The following PDE1C variants were observed in gnomAD, a reference collection of about 807,000 sequenced individuals.
The protein encoded by PDE1C is phosphodiesterase 1C.
PDE1C carries 62 observed loss-of-function variants against 93.1 expected under a neutral mutation model. The ratio of observed to expected loss-of-function variants is 0.67; its 90% confidence interval spans 0.54 to 0.82. The LOEUF is 0.82. Ranked by LOEUF, PDE1C falls within the 40% of genes least tolerant of loss-of-function variation. PDE1C has a pLI of 0.00. For missense variants in PDE1C, 742 were observed against 884.6 expected (o/e 0.84, Z 2.04); for synonymous variants, 325 against 310.1 (o/e 1.05, Z -0.50).
chr7:32,055,282 G>A (rs1793917196), intron 1 of PDE1C, among the ~76,000 whole-genome samples: 1 of 152,174 alleles, frequency 6.6e-6, no homozygotes, highest in African/African-American at 2.4e-5. Flanking sequence ...CAGAGGGAAA[G>A]CAATGAGAAG....
intron 1 of PDE1C, among the ~76,000 whole-genome samples, chr7:32,405,493 T>C (rs1785035890): frequency 6.6e-6 from 1 of 152,182 alleles, no homozygotes; most frequent in African/African-American, 2.4e-5. Flanking sequence ...TCAGGTGATC[T>C]GCCCACCTCG....
At chr7:31,643,807 C>T in the PDE1C span, 1 of 1,613,976 alleles carries the variant, frequency 6.2e-7, no homozygotes, top group Non-Finnish European at 8.5e-7. Context: ...TCATCACCAC[C>T]CTCACTGCCA....
Position 31,753,401 on chromosome 7 carries a change from T to TA in PDE1C, c.2112dup (p.Asn705Ter), listed in dbSNP as rs760103015. ...CCCTCGGCCTATTTTCTGTTCCAGTTATGTGAGATGTTCTGAATCTTTTTC... is the reference window on the plus strand; with the variant it reads ...CCCTCGGCCTATTTTCTGTTCCAGTTAATGTGAGATGTTCTGAATCTTTTTC... On this transcript the variant is annotated frameshift_variant, in exon 18 of 18. Transcript: ENST00000396191. LOFTEE classifies it high-confidence loss of function. 7 of 1,612,326 alleles carry TA rather than the reference T, an allele frequency of 4.3e-6. No individual in the cohort carries two copies. The highest frequency in any genetic ancestry group is 5.9e-6 in the Non-Finnish European group (7 of 1,179,588).
intron 2 of PDE1C, among the ~76,000 whole-genome samples, chr7:32,175,142 G>A (rs1802899545): frequency 6.6e-6 from 1 of 152,012 alleles, no homozygotes; most frequent in Admixed American, 6.6e-5. Flanking sequence ...AGATGACTAG[G>A]ATTCACTCAA....
intron 3 of PDE1C, among the ~76,000 whole-genome samples, chr7:32,134,863 C>T (rs1800116001): frequency 6.6e-6 from 1 of 152,132 alleles, no homozygotes; most frequent in Admixed American, 6.5e-5. Flanking sequence ...CACGATGGCA[C>T]ATGTATACCC....
intron 16 of PDE1C, among the ~76,000 whole-genome samples, chr7:31,791,097 G>A (rs1469895441): frequency 6.6e-6 from 1 of 152,046 alleles, no homozygotes; most frequent in African/African-American, 2.4e-5. Context: ...TACAGGACAA[G>A]GAAAGTTTCC....
rs535037012 is a variant in PDE1C at position 31,773,827 on chromosome 7, T to A, written c.1960+1837A>T. 3.9e-5 allele frequency among the ~76,000 whole-genome samples: 6 copies of A among 152,234 alleles called. No individual in the cohort carries two copies. The South Asian group carries it at 1.2e-3, about 32-fold the overall frequency. The stretch of plus-strand genomic sequence containing the variant: ...GCAGAAAGGAATAAGACAGTCCTCA[T>A]CATGGAAAAAGCCACCTATCAATGT... On this transcript the variant is annotated intron_variant, in intron 17 of 17. Coordinates refer to ENST00000396191, the MANE Select transcript of PDE1C (RefSeq NM_001191057.4).
At chr7:31,890,835 A>G (rs1798534520) in intron 2 of PDE1C, among the ~76,000 whole-genome samples, 1 of 151,726 alleles carries the variant, frequency 6.6e-6, no homozygotes, top group South Asian at 2.1e-4. Context: ...AACCTCAAAG[A>G]AAACCGTGAG....
the PDE1C span, among the ~76,000 whole-genome samples, chr7:31,640,438 A>AG: frequency 6.6e-6 from 1 of 152,140 alleles, no homozygotes; most frequent in African/African-American, 2.4e-5. Flanking sequence ...TTTGAACTCT[A>AG]GCTGGCTCAG....
At chr7:32,320,613 G>A (rs1783270137) in intron 1 of PDE1C, among the ~76,000 whole-genome samples, 1 of 134,312 alleles carries the variant, frequency 7.4e-6, no homozygotes, top group African/African-American at 2.9e-5. Context: ...AGGTGCTTAG[G>A]CACACACATA....
intron 9 of PDE1C, among the ~76,000 whole-genome samples, chr7:31,840,112 T>C (rs1445160016): frequency 1.3e-5 from 2 of 152,188 alleles, no homozygotes; most frequent in South Asian, 2.1e-4. Flanking sequence ...CACTAGCATA[T>C]AACATTTTCA....
chr7:32,362,613 G>A (rs770119349), intron 1 of PDE1C, among the ~76,000 whole-genome samples: 13 of 152,068 alleles, frequency 8.5e-5, no homozygotes, highest in African/African-American at 1.9e-4. Flanking sequence ...AGGTGATTTC[G>A]TGAGCAAAAG....
chr7:31,791,756 C>T (rs955954375), intron 16 of PDE1C, among the ~76,000 whole-genome samples: 3 of 152,190 alleles, frequency 2.0e-5, no homozygotes, highest in African/African-American at 4.8e-5. Context: ...GTGAGCCTCA[C>T]CTGGCCAACA....
At chr7:31,698,169 T>C in the PDE1C span, among the ~76,000 whole-genome samples, 2 of 152,214 alleles carry the variant, frequency 1.3e-5, no homozygotes, top group South Asian at 2.1e-4. Context: ...TTGGCTGTTG[T>C]TATAAAACTA....
chr7:32,010,857 C>T lies in PDE1C; in HGVS notation c.128+40697G>A, dbSNP rs575217052. On this transcript the variant is annotated intron_variant, in intron 2 of 17. Coordinates refer to ENST00000396191, the MANE Select transcript of PDE1C (RefSeq NM_001191057.4). The stretch of plus-strand genomic sequence containing the variant: ...GGACACCAGTCATATTGGATTAGAG[C>T]CCATCATAATGACTTCATTTTAATT... Among the ~76,000 whole-genome samples, 80 of 152,228 alleles carry T rather than the reference C, an allele frequency of 5.3e-4. 5 individuals are homozygous for T. In the South Asian group the frequency reaches 0.016, roughly 31 times the overall value.
chr7:32,321,148 A>C (rs1220804686), intron 1 of PDE1C, among the ~76,000 whole-genome samples: 2 of 152,370 alleles, frequency 1.3e-5, no homozygotes, highest in African/African-American at 4.8e-5. Context: ...AAAGAGAATT[A>C]CACCAACCTC....
chr7:31,637,114 A>C, the PDE1C span, among the ~76,000 whole-genome samples: 1 of 151,560 alleles, frequency 6.6e-6, no homozygotes, highest in Admixed American at 6.6e-5. Flanking sequence ...TATGTGCCAC[A>C]TTTTCTTAAT....
chr7:31,742,984 C>T, the PDE1C span, among the ~76,000 whole-genome samples: 4,057 of 152,274 alleles, frequency 0.027, 186 homozygotes, highest in African/African-American at 0.092. Flanking sequence ...GTTGATTCTA[C>T]TTCCCAAGTT....
At chr7:32,188,896 G>A (rs973488448) in intron 2 of PDE1C, among the ~76,000 whole-genome samples, 5 of 152,082 alleles carry the variant, frequency 3.3e-5, no homozygotes, top group Non-Finnish European at 7.4e-5. Flanking sequence ...CCATTTACTT[G>A]AGCTGTCAGC....
Sources: allele counts gnomAD v4.1 joint callset (sites outside exome capture counted in the v4.1 genomes callset), GRCh38; gene constraint gnomAD v4.1.1; transcripts MANE v1.5; gene names NCBI Gene and HGNC (gene_info 2026-07-23, HGNC 2026-07-21).